Variants in DAAM1 observed in about 807,000 individuals in gnomAD.
The protein encoded by DAAM1 is dishevelled associated activator of morphogenesis 1, also known as disheveled-associated activator of morphogenesis 1.
Under a neutral mutation model 130.0 loss-of-function variants are expected in DAAM1, and 52 were observed. That is an observed-to-expected ratio of 0.40 (90% confidence interval 0.32 to 0.50). DAAM1 has a LOEUF of 0.50. DAAM1 is among the 20% of genes least tolerant of loss of function. The pLI is 0.61. For synonymous variants in DAAM1, 452 were observed against 444.5 expected (o/e 1.02, Z -0.21); for missense variants, 1,134 against 1,303.8 (o/e 0.87, Z 2.01).
At chr14:59,283,626 C>G (rs1883314372) in intron 2 of DAAM1, among the ~76,000 whole-genome samples, 1 of 152,146 alleles carries the variant, frequency 6.6e-6, no homozygotes, top group Non-Finnish European at 1.5e-5. Flanking sequence ...GGCATTACTG[C>G]ATGCTTAGTT....
At chr14:59,307,599 C>A (rs1431617139) in intron 3 of DAAM1, among the ~76,000 whole-genome samples, 1 of 152,116 alleles carries the variant, frequency 6.6e-6, no homozygotes, top group African/African-American at 2.4e-5. Context: ...TTTCTCTGGG[C>A]AAACGTGGCA....
chr14:59,241,881 G>C (rs559460243), intron 1 of DAAM1, among the ~76,000 whole-genome samples: 15 of 151,354 alleles, frequency 9.9e-5, no homozygotes, highest in African/African-American at 3.6e-4. Flanking sequence ...ATCACAAACT[G>C]TCTCTCTCTC....
intron 12 of DAAM1, among the ~76,000 whole-genome samples, chr14:59,329,126 A>G (rs765223777): frequency 9.2e-5 from 14 of 152,192 alleles, no homozygotes; most frequent in South Asian, 2.1e-4. Flanking sequence ...CAAACCTGGC[A>G]TACATCAGGA....
Position 59,370,820 on chromosome 14 carries a change from C to T in DAAM1, c.*1961C>T, listed in dbSNP as rs1389626528. 1.3e-5 allele frequency: 2 copies of T among 152,030 alleles called. No homozygotes were observed. The highest frequency in any genetic ancestry group is 2.4e-5 in the African/African-American group (1 of 41,410). 9.4% of individuals were successfully genotyped at this position (152,030 alleles called of 1,614,324 possible). On this transcript the variant is annotated 3_prime_UTR_variant, in exon 25 of 25. Coordinates refer to ENST00000360909, the MANE Select transcript of DAAM1 (RefSeq NM_001270520.2). ...TTTTGTCTGTTCCTTAACTAAAGTG[C>T]CTCTATGTATATTCTTTTCTATTTG...
At chr14:59,312,830 A>G (rs1217067408) in intron 3 of DAAM1, among the ~76,000 whole-genome samples, 1 of 152,212 alleles carries the variant, frequency 6.6e-6, no homozygotes, top group Admixed American at 6.5e-5. Context: ...TGTACTGTAC[A>G]AGTTCTCTTT....
chr14:59,296,872 A>G (rs1883973947), intron 3 of DAAM1, among the ~76,000 whole-genome samples: 1 of 152,234 alleles, frequency 6.6e-6, no homozygotes, highest in South Asian at 2.1e-4. Flanking sequence ...CACAATTTGT[A>G]GAGCCTGTTA....
In DAAM1 at chr14:59,298,423, T is replaced by A. The variant is rs546634831; in HGVS notation, c.273+7117T>A. Among the ~76,000 whole-genome samples the A allele has an allele frequency of 1.1e-4, 17 of 152,334 alleles. No homozygotes were observed. The South Asian group carries it at 1.2e-3, about 11-fold the overall frequency. On this transcript the variant is annotated intron_variant, in intron 3 of 24. Transcript: ENST00000360909. ...TAATCCATAAACCACCCAGTTTTTT[T>A]AAGCACCGTTTACCTGTTTAGGCAA...
At chr14:59,346,701 G>A (rs951926021) in intron 16 of DAAM1, among the ~76,000 whole-genome samples, 1 of 151,952 alleles carries the variant, frequency 6.6e-6, no homozygotes, top group Non-Finnish European at 1.5e-5. Flanking sequence ...TTTTTCCCCT[G>A]GGTAAGACTA....
chr14:59,209,616 TTG>T (rs1368959719), intron 1 of DAAM1, among the ~76,000 whole-genome samples: 1 of 152,204 alleles, frequency 6.6e-6, no homozygotes, highest in Admixed American at 6.5e-5. Flanking sequence ...ACAATAGGCT[TTG>T]TGTTAGGTAA....
Position 59,225,419 on chromosome 14 carries a change from A to G in DAAM1, c.-38+36651A>G, listed in dbSNP as rs1276665275. On this transcript the variant is annotated intron_variant, in intron 1 of 24. Transcript: ENST00000360909. Reference sequence around the variant, plus strand: ...ACTATGAATCTGTTGTTGATAGTTAATAGCTCTCACAATGAAGCCAAAAAT... The same window carrying G: ...ACTATGAATCTGTTGTTGATAGTTAGTAGCTCTCACAATGAAGCCAAAAAT... Among the ~76,000 whole-genome samples the G allele has an allele frequency of 2.6e-5, 4 of 152,228 alleles. No individual in the cohort carries two copies. In the East Asian group the frequency reaches 7.7e-4, roughly 29 times the overall value.
rs554118859 is a variant in DAAM1 at position 59,302,558 on chromosome 14, A to T, written c.273+11252A>T. On this transcript the variant is annotated intron_variant, in intron 3 of 24. Transcript: ENST00000360909. ...CTGTCTTGGCTCCAATCCCTGGAGG[A>T]GACTTGGAACATAAGCTCTGAATGG... Among the ~76,000 whole-genome samples the T allele has an allele frequency of 4.3e-4, 66 of 152,272 alleles. No individual in the cohort carries two copies. The South Asian group carries it at 9.3e-3, about 22-fold the overall frequency.
chr14:59,254,032 C>T (rs1485265069), intron 1 of DAAM1, among the ~76,000 whole-genome samples: 1 of 152,112 alleles, frequency 6.6e-6, no homozygotes, highest in African/African-American at 2.4e-5. Flanking sequence ...ATATTATTTG[C>T]ATTTTCTATG....
rs113824173 is a variant in DAAM1, at chr14:59,343,691, G to A, written c.2075+3511G>A. Among the ~76,000 whole-genome samples the A allele has an allele frequency of 3.9e-5, 6 of 152,298 alleles. 1 individual carries two copies. The highest frequency in any genetic ancestry group is 7.2e-5 in the African/African-American group (3 of 41,556). Reference sequence around the variant, plus strand: ...AAATGTCAGTGGACCTTTTGGTCAGGGGCACCTGCCACAGCTTTCTCTGGA... The same window carrying A: ...AAATGTCAGTGGACCTTTTGGTCAGAGGCACCTGCCACAGCTTTCTCTGGA... On this transcript the variant is annotated intron_variant, in intron 16 of 24. Transcript: ENST00000360909.
chr14:59,362,064 A>G (rs946674474), intron 22 of DAAM1, among the ~76,000 whole-genome samples: 2 of 151,178 alleles, frequency 1.3e-5, no homozygotes, highest in African/African-American at 4.9e-5. Context: ...AGTATTAAAA[A>G]AAAAATTCTA....
intron 3 of DAAM1, among the ~76,000 whole-genome samples, chr14:59,297,642 C>T (rs1044306518): frequency 6.6e-6 from 1 of 152,140 alleles, no homozygotes; most frequent in African/African-American, 2.4e-5. Flanking sequence ...CACTTATCTG[C>T]AGTCAACTGA....
At chr14:59,298,018 G>A (rs773259936) in intron 3 of DAAM1, among the ~76,000 whole-genome samples, 1 of 152,170 alleles carries the variant, frequency 6.6e-6, no homozygotes, top group East Asian at 1.9e-4. Flanking sequence ...AGCTTGGATT[G>A]TGGGTGATTC....
chr14:59,197,888 T>TC (rs1453673882), intron 1 of DAAM1, among the ~76,000 whole-genome samples: 4 of 152,056 alleles, frequency 2.6e-5, no homozygotes, highest in Non-Finnish European at 5.9e-5. Flanking sequence ...AAGCATGTCT[T>TC]CCCCCCTTAA....
intron 2 of DAAM1, chr14:59,265,318 T>TAA (rs943870832): frequency 1.3e-5 from 2 of 152,254 alleles, no homozygotes; most frequent in Non-Finnish European, 2.9e-5. Context: ...CCAGTGTACT[T>TAA]ACGCTTTATG....
intron 1 of DAAM1, among the ~76,000 whole-genome samples, chr14:59,237,020 A>G (rs894284314): frequency 6.6e-6 from 1 of 152,170 alleles, no homozygotes; most frequent in Non-Finnish European, 1.5e-5. Flanking sequence ...CTGTTATCCA[A>G]TAAAACTGTA....
Sources: allele counts gnomAD v4.1 joint callset (sites outside exome capture counted in the v4.1 genomes callset), GRCh38; gene constraint gnomAD v4.1.1; transcripts MANE v1.5; gene names NCBI Gene and HGNC (gene_info 2026-07-23, HGNC 2026-07-21).